ASB4: variants seen among roughly 807,000 people sequenced by gnomAD.
ASB4 encodes ankyrin repeat and SOCS box protein 4.
In ASB4, 35 loss-of-function variants were observed where a neutral mutation model predicts 38.6. The ratio of observed to expected loss-of-function variants is 0.91; its 90% confidence interval spans 0.69 to 1.20. The LOEUF (loss-of-function observed/expected upper bound fraction) is 1.20. Among genes scored for constraint, ASB4 ranks in the 50% most tolerant of loss-of-function variants. The probability of loss-of-function intolerance (pLI) is 0.00; values close to 1 mark genes in which losing one functional copy is unlikely to be tolerated. For synonymous variants in ASB4, 195 were observed against 201.3 expected, an observed-to-expected ratio of 0.97 and a Z score of 0.26; for missense variants, 557 against 527.2, an observed-to-expected ratio of 1.06 and a Z score of -0.55.
chr7:95,494,677 T>A (rs117023763), intron 1 of ASB4, among the ~76,000 whole-genome samples: 2,026 of 152,308 alleles, frequency 0.013, 61 homozygotes, highest in Admixed American at 0.055. Flanking sequence ...TCATAAAAGC[T>A]TAAATGCTAT....
chr7:95,537,716 T>C lies in ASB4; in HGVS notation c.1238T>C (p.Leu413Ser). Residue 413 changes from leucine (L) to serine (S), a missense_variant, in exon 5 of 5, where the codon TTG (leucine) becomes TCG (serine). Leu to Ser is a moderately radical substitution (Grantham distance 145). Coordinates refer to ENST00000325885, the MANE Select transcript of ASB4 (RefSeq NM_016116.3). ...AIPLLSLPLSLKKYLLLEPEG... is the reference protein window; with the variant it reads ...AIPLLSLPLSSKKYLLLEPEG... ...CCTTTGCTTTCCCTCCCATTGTCAT[T>C]GAAAAAGTACTTGCTTTTAGAGCCA... The C allele has an allele frequency of 6.2e-7, 1 of 1,613,852 alleles. No individual in the cohort carries two copies. Among genetic ancestry groups the C allele is most frequent in the East Asian group, 2.2e-5 (1 of 44,872 alleles).
In ASB4 at chr7:95,538,156, A is replaced by G. The variant is rs768237505; in HGVS notation, c.*397A>G. ...ATTCTCATTCAAATGGCCATATAGCAGGCTTTGCAATTGGCCTCTTAAACT... is the reference window on the plus strand; with the variant it reads ...ATTCTCATTCAAATGGCCATATAGCGGGCTTTGCAATTGGCCTCTTAAACT... On this transcript the variant is annotated 3_prime_UTR_variant, in exon 5 of 5. Coordinates refer to ENST00000325885, the MANE Select transcript of ASB4 (RefSeq NM_016116.3). 14 of 157,250 alleles carry G rather than the reference A, an allele frequency of 8.9e-5. No homozygotes were observed. Among genetic ancestry groups the G allele is most frequent in the Non-Finnish European group, 1.7e-4 (12 of 71,386 alleles). The allele number at this position is 157,250 out of a possible 1,614,324, so 9.7% of individuals were successfully genotyped here. A position where few individuals can be genotyped will look rare whatever the true frequency, so the allele number is the denominator to read the frequency against.
rs1188139369 is a variant in ASB4, at chr7:95,527,868, G to C, written c.543G>C (p.Thr181=). ...NNQDEETPLH[T]AAHFGLSELV... Reference sequence around the variant, plus strand: ...AAGATGAGGAGACGCCCTTGCACACGGCTGCCCACTTCGGCCTTTCGGAGC... The same window carrying C: ...AAGATGAGGAGACGCCCTTGCACACCGCTGCCCACTTCGGCCTTTCGGAGC... The change falls in exon 3 of 5, where the codon ACG becomes ACC. Residue 181 remains threonine (T), a synonymous_variant. Coordinates refer to ENST00000325885, the MANE Select transcript of ASB4 (RefSeq NM_016116.3). 6.2e-7 allele frequency: 1 copy of C among 1,613,380 alleles called. No individual in the cohort carries two copies. Among genetic ancestry groups the C allele is most frequent in the Non-Finnish European group, 8.5e-7 (1 of 1,179,742 alleles).
the ASB4 span, among the ~76,000 whole-genome samples, chr7:95,547,512 A>C: frequency 3.3e-5 from 5 of 152,202 alleles, no homozygotes; most frequent in Non-Finnish European, 7.3e-5. Flanking sequence ...CATCCTGTGA[A>C]TATACCAAAA....
Position 95,509,401 on chromosome 7 carries a change from C to T in ASB4, c.487+13344C>T, listed in dbSNP as rs1790451679. Reference sequence around the variant, plus strand: ...GAACACAGCAAAGCTAGTTTGGTTGCCATGGTGACCAACGCCATGTCTCCG... The same window carrying T: ...GAACACAGCAAAGCTAGTTTGGTTGTCATGGTGACCAACGCCATGTCTCCG... On this transcript the variant is annotated intron_variant, in intron 2 of 4. Coordinates refer to ENST00000325885, the MANE Select transcript of ASB4 (RefSeq NM_016116.3). Among the ~76,000 whole-genome samples the T allele has an allele frequency of 2.6e-5, 4 of 152,242 alleles. No homozygotes were observed. The South Asian group carries it at 8.3e-4, about 32-fold the overall frequency.
chr7:95,537,608 G>A lies in ASB4; in HGVS notation c.1130G>A (p.Cys377Tyr). 1.2e-6 allele frequency: 2 copies of A among 1,612,308 alleles called. No individual in the cohort carries two copies. Among genetic ancestry groups the A allele is most frequent in the Non-Finnish European group, 1.7e-6 (2 of 1,179,026 alleles). The change falls in exon 5 of 5, where the codon TGC (cysteine) becomes TAC (tyrosine). Residue 377 changes from cysteine to tyrosine, a missense_variant. Coordinates refer to ENST00000325885, the MANE Select transcript of ASB4 (RefSeq NM_016116.3). The part of the protein sequence containing the change: ...WDFYHSLFTV[C>Y]CNSPRTLMHL... Reference sequence around the variant, plus strand: ...TTTTACCACTCTCTCTTTACTGTGTGCTGTAACTCTCCAAGGACTCTCATG... The same window carrying A: ...TTTTACCACTCTCTCTTTACTGTGTACTGTAACTCTCCAAGGACTCTCATG...
intron 2 of ASB4, 125 bp downstream of exon 2, chr7:95,496,182 G>C: frequency 1.2e-6 from 1 of 830,804 alleles, no homozygotes; most frequent in Non-Finnish European, 1.8e-6. Context: ...TAGTACAGAA[G>C]GCCCTAAAAA....
intron 1 of ASB4, among the ~76,000 whole-genome samples, chr7:95,487,115 C>A (rs1486686814): frequency 6.6e-6 from 1 of 152,080 alleles, no homozygotes; most frequent in Non-Finnish European, 1.5e-5. Context: ...AATACATTTC[C>A]AGATACAAAT....
chr7:95,528,615 G>A (rs1323943796), intron 3 of ASB4: 7 of 1,324,512 alleles, frequency 5.3e-6, no homozygotes, highest in African/African-American at 1.5e-5. Flanking sequence ...GGTGAATAGT[G>A]TTAGACAGGC....
chr7:95,499,865 CTTTTTTTTTTTTTT>C (rs61250820), intron 2 of ASB4, among the ~76,000 whole-genome samples: 17 of 77,262 alleles, frequency 2.2e-4, no homozygotes, highest in East Asian at 4.7e-4. Context: ...GATACATCCT[CTTTTTTTTTTTTTT>C]TTTTTTTTTT....
chr7:95,515,257 TTC>T (rs1562817161), intron 2 of ASB4, among the ~76,000 whole-genome samples: 3 of 137,134 alleles, frequency 2.2e-5, no homozygotes, highest in African/African-American at 5.4e-5. Context: ...CTTTCCTTCT[TTC>T]TTTCTTTCTC....
upstream of ASB4, chr7:95,473,990 G>C (rs981599630): frequency 2.0e-5 from 3 of 152,166 alleles, no homozygotes; most frequent in African/African-American, 7.2e-5. Context: ...AAAGCCATAA[G>C]TTACCTCCAG....
chr7:95,503,680 A>T (rs1206578721), intron 2 of ASB4, among the ~76,000 whole-genome samples: 1 of 152,242 alleles, frequency 6.6e-6, no homozygotes, highest in Non-Finnish European at 1.5e-5. Flanking sequence ...GAGGGAATTG[A>T]GACAACATAT....
intron 3 of ASB4, among the ~76,000 whole-genome samples, chr7:95,534,889 T>C (rs1185291091): frequency 1.3e-5 from 2 of 152,048 alleles, no homozygotes. Flanking sequence ...TCGTTAAGAG[T>C]GTATAATAGC....
rs1036372558 is a variant in ASB4, at chr7:95,486,134, A to G, written c.163A>G (p.Met55Val). ...DTVFEVEDENMVLASYKQGYW... is the reference protein window; with the variant it reads ...DTVFEVEDENVVLASYKQGYW... ...TGTTTTTGAAGTCGAAGATGAGAAT[A>G]TGGTTTTGGCATCTTATAAACAAGG... Residue 55 changes from methionine (M) to valine (V), a missense_variant, in exon 1 of 5, where the codon ATG (methionine) becomes GTG (valine). Physicochemically the swap from Met to Val is conservative, Grantham distance 21 (BLOSUM62 1). Coordinates refer to ENST00000325885, the MANE Select transcript of ASB4 (RefSeq NM_016116.3). 4.3e-6 allele frequency: 7 copies of G among 1,613,966 alleles called. No individual in the cohort carries two copies. The Admixed American group carries it at 1.2e-4, about 27-fold the overall frequency.
At chr7:95,512,721 G>T (rs749368675) in intron 2 of ASB4, among the ~76,000 whole-genome samples, 1 of 152,160 alleles carries the variant, frequency 6.6e-6, no homozygotes, top group Non-Finnish European at 1.5e-5. Flanking sequence ...TGGCTTAGAA[G>T]AATGAAATTA....
At chr7:95,501,155 G>T (rs369457395) in intron 2 of ASB4, among the ~76,000 whole-genome samples, 1 of 151,880 alleles carries the variant, frequency 6.6e-6, no homozygotes, top group African/African-American at 2.4e-5. Flanking sequence ...CTCACTTTTC[G>T]TAATAATGAA....
At chr7:95,550,976 G>A in the ASB4 span, among the ~76,000 whole-genome samples, 1 of 152,126 alleles carries the variant, frequency 6.6e-6, no homozygotes, top group South Asian at 2.1e-4. Context: ...ATAATACTGG[G>A]AAGAATCAAC....
chr7:95,528,406 C>T lies in ASB4; in HGVS notation c.978+103C>T, dbSNP rs76960815. 3,913 of 1,565,780 alleles carry T rather than the reference C, an allele frequency of 2.5e-3. 71 individuals are homozygous for T. In the African/African-American group the frequency reaches 0.045, roughly 18 times the overall value. On this transcript the variant is annotated intron_variant, in intron 3 of 4. Coordinates refer to ENST00000325885, the MANE Select transcript of ASB4 (RefSeq NM_016116.3). ...GCTTGCTTGAGGCTTGAGTCCTGGG[C>T]TAACTACCTCTGATCCTCTTTGACC...
Sources: gnomAD v4.1 joint callset for allele counts (sites outside exome capture counted in the v4.1 genomes callset) on GRCh38, gnomAD v4.1.1 for gene constraint, MANE v1.5 for transcripts, NCBI Gene and HGNC (gene_info 2026-07-23, HGNC 2026-07-21) for gene names.